Variants in SLC9B1 observed in about 807,000 individuals in gnomAD.
The protein encoded by SLC9B1 is solute carrier family 9 member B1.
SLC9B1 carries 32 observed loss-of-function variants against 51.7 expected under a neutral mutation model. The ratio of observed to expected loss-of-function variants is 0.62; its 90% CI spans 0.47 to 0.83. The LOEUF is 0.83. SLC9B1 is among the 40% of genes least tolerant of loss of function. SLC9B1 has a pLI of 0.00. For missense variants in SLC9B1, 406 were observed against 613.2 expected (o/e 0.66, Z 3.57); for synonymous variants, 145 against 212.7 (o/e 0.68, Z 2.77).
Position 102,963,037 on chromosome 4 carries a change from C to T in SLC9B1, c.212-13610G>A, listed in dbSNP as rs746073991. On this transcript the variant is annotated intron_variant, in intron 3 of 11. Coordinates refer to ENST00000296422, the MANE Select transcript of SLC9B1 (RefSeq NM_139173.4). Reference sequence around the variant, plus strand: ...TGGTCCACTGTATAAGAATGTTGTTCTTTCAAGGGGTTTGACCATATTCGG... The same window carrying T: ...TGGTCCACTGTATAAGAATGTTGTTTTTTCAAGGGGTTTGACCATATTCGG... The T allele has an allele frequency of 2.0e-4, 92 of 452,712 alleles. 1 individual carries two copies. The highest frequency in any genetic ancestry group is 3.5e-4 in the Non-Finnish European group (78 of 224,296). 28.0% of individuals were successfully genotyped at this position (452,712 alleles called of 1,614,324 possible).
intron 6 of SLC9B1, among the ~76,000 whole-genome samples, chr4:102,933,048 G>A (rs895277199): frequency 1.3e-4 from 20 of 152,230 alleles, no homozygotes; most frequent in Middle Eastern, 3.4e-3. Context: ...CCAGAATTTC[G>A]CCTCATCTCT....
chr4:102,885,352 G>A lies in SLC9B1; in HGVS notation c.1333-24C>T, dbSNP rs375529885. ...ATCTTAAAATACAAAAGGAAAATCC[G>A]AAAGTAGTGAATGAAATAAACATTG... is the stretch of plus-strand genomic sequence containing the variant. On this transcript the variant is annotated intron_variant, in intron 11 of 11. Transcript: ENST00000394789. 543 of 1,613,980 alleles carry A rather than the reference G, an allele frequency of 3.4e-4. 7 individuals carry two copies. Among genetic ancestry groups the A allele is most frequent in the Admixed American group, 2.0e-3 (119 of 60,014 alleles).
intron 11 of SLC9B1, chr4:102,885,580 G>C: frequency 2.9e-6 from 2 of 680,668 alleles, no homozygotes; most frequent in East Asian, 5.5e-5. Flanking sequence ...AAGTTTTCAT[G>C]TCATGATAGA....
chr4:102,958,118 T>C lies in SLC9B1; in HGVS notation c.212-8691A>G, dbSNP rs184345806. Among the ~76,000 whole-genome samples, 22 of 152,294 alleles carry C rather than the reference T, an allele frequency of 1.4e-4. No individual in the cohort carries two copies. The East Asian group carries it at 3.9e-3, about 27-fold the overall frequency. On this transcript the variant is annotated intron_variant, in intron 3 of 11. Transcript: ENST00000296422. ...TATGTGTCCCTGCCCAAATCTCATG[T>C]TGAATTGTAATCCCCAATGTTGGAG...
intron 1 of SLC9B1, among the ~76,000 whole-genome samples, chr4:103,005,260 TTAAA>T (rs1740721304): frequency 1.2e-5 from 1 of 81,602 alleles, no homozygotes; most frequent in African/African-American, 7.6e-5. Context: ...ACCAAGCAAA[TTAAA>T]AAAAAAAAAA....
intron 3 of SLC9B1, among the ~76,000 whole-genome samples, chr4:102,975,556 T>G (rs531813120): frequency 7.2e-4 from 102 of 141,264 alleles, no homozygotes; most frequent in African/African-American, 2.6e-3. Context: ...TCTATAATGA[T>G]TATATATACA....
intron 7 of SLC9B1, among the ~76,000 whole-genome samples, chr4:102,923,160 T>G (rs1735971627): frequency 6.6e-6 from 1 of 152,148 alleles, no homozygotes; most frequent in African/African-American, 2.4e-5. Context: ...ACAAAAATCC[T>G]CAATAAGATA....
intron 1 of SLC9B1, among the ~76,000 whole-genome samples, chr4:102,997,082 T>A (rs552445354): frequency 1.3e-5 from 2 of 152,232 alleles, no homozygotes; most frequent in South Asian, 4.1e-4. Flanking sequence ...AGCCATTGTG[T>A]CTGGCCAGTA....
chr4:102,947,463 C>T (rs867784069), intron 4 of SLC9B1, among the ~76,000 whole-genome samples: 2 of 152,200 alleles, frequency 1.3e-5, no homozygotes, highest in Non-Finnish European at 2.9e-5. Context: ...TAGGCTTAAC[C>T]TCCTGAGCTC....
chr4:102,968,738 C>T (rs535988112), intron 3 of SLC9B1, among the ~76,000 whole-genome samples: 7 of 152,292 alleles, frequency 4.6e-5, no homozygotes, highest in Admixed American at 1.3e-4. Context: ...TCGCCTCATC[C>T]GGGAAGCAGC....
chr4:103,001,904 T>C (rs1309463843), intron 1 of SLC9B1, among the ~76,000 whole-genome samples: 2 of 152,224 alleles, frequency 1.3e-5, no homozygotes, highest in African/African-American at 4.8e-5. Context: ...GACTCACAGT[T>C]CTGCATGGCT....
intron 3 of SLC9B1, among the ~76,000 whole-genome samples, chr4:102,988,193 T>C (rs931379405): frequency 4.6e-5 from 7 of 152,166 alleles, no homozygotes; most frequent in African/African-American, 1.7e-4. Flanking sequence ...GCATTTTTGT[T>C]AAAAGTAGGC....
At chr4:102,921,341 CT>C (rs1353325139) in intron 7 of SLC9B1, among the ~76,000 whole-genome samples, 1 of 152,158 alleles carries the variant, frequency 6.6e-6, no homozygotes, top group African/African-American at 2.4e-5. Flanking sequence ...AAATAAAATC[CT>C]TTACAGACAA....
intron 1 of SLC9B1, among the ~76,000 whole-genome samples, chr4:103,016,233 T>C (rs1453386706): frequency 2.6e-5 from 4 of 151,718 alleles, no homozygotes; most frequent in Non-Finnish European, 5.9e-5. Flanking sequence ...TACCCTCTCA[T>C]TTTCTCAAAG....
At chr4:102,930,103 T>C (rs1365619768) in intron 7 of SLC9B1, among the ~76,000 whole-genome samples, 1 of 152,184 alleles carries the variant, frequency 6.6e-6, no homozygotes, top group East Asian at 1.9e-4. Flanking sequence ...AGAAAAGCAA[T>C]TTACAAAATG....
chr4:102,921,622 G>GTCT (rs1179813738), intron 7 of SLC9B1, among the ~76,000 whole-genome samples: 1 of 152,166 alleles, frequency 6.6e-6, no homozygotes, highest in East Asian at 1.9e-4. Flanking sequence ...TGGCAAACTG[G>GTCT]ATAAAGAGTC....
chr4:102,919,702 C>T (rs1735766619), intron 7 of SLC9B1, among the ~76,000 whole-genome samples: 2 of 152,158 alleles, frequency 1.3e-5, no homozygotes, highest in Non-Finnish European at 1.5e-5. Context: ...CACTCCTGCC[C>T]AAATACTGCA....
At chr4:102,920,683 T>C (rs1291874404) in intron 7 of SLC9B1, among the ~76,000 whole-genome samples, 1 of 152,156 alleles carries the variant, frequency 6.6e-6, no homozygotes, top group African/African-American at 2.4e-5. Context: ...GATGAATGGC[T>C]TACAAGAATA....
At chr4:102,948,919 A>G (rs1489816142) in intron 4 of SLC9B1, among the ~76,000 whole-genome samples, 1 of 152,230 alleles carries the variant, frequency 6.6e-6, no homozygotes, top group Non-Finnish European at 1.5e-5. Flanking sequence ...ATTATGCAAT[A>G]TATCCATGTA....
Sources: gnomAD v4.1 joint callset for allele counts (sites outside exome capture counted in the v4.1 genomes callset) on GRCh38, gnomAD v4.1.1 for gene constraint, MANE v1.5 for transcripts, NCBI Gene and HGNC (gene_info 2026-07-23, HGNC 2026-07-21) for gene names.